The following SYT16 variants were observed in gnomAD, a reference collection of about 807,000 sequenced individuals.
SYT16 encodes the protein synaptotagmin 16, also known as synaptotagmin-16.
SYT16 carries 42 observed loss-of-function variants against 61.4 expected under a neutral mutation model. The ratio of observed to expected loss-of-function variants is 0.68; its 90% CI spans 0.53 to 0.89. The LOEUF (loss-of-function observed/expected upper bound fraction) is 0.89, where lower values mean the gene tolerates loss of function less well. SYT16 is among the 40% of genes least tolerant of loss of function. The pLI is 0.00. For missense variants in SYT16, 804 were observed against 807.3 expected (o/e 1.00, Z 0.05); for synonymous variants, 314 against 302.3 (o/e 1.04, Z -0.40).
chr14:62,086,170 A>C (rs1339122771), intron 7 of SYT16, among the ~76,000 whole-genome samples: 1 of 152,190 alleles, frequency 6.6e-6, no homozygotes, highest in Non-Finnish European at 1.5e-5. Flanking sequence ...AGGCTCTGCC[A>C]CTTATTATAA....
Position 62,094,362 on chromosome 14 carries a change from C to G in SYT16, c.1625-6032C>G, listed in dbSNP as rs530804350. On this transcript the variant is annotated intron_variant, in intron 7 of 7. Transcript: ENST00000683842. Reference sequence around the variant, plus strand: ...GCATACTGGTCAGTTCTTTCCCAAGCTTAACTTTTCCCCTCTTCCCCCTAA... The same window carrying G: ...GCATACTGGTCAGTTCTTTCCCAAGGTTAACTTTTCCCCTCTTCCCCCTAA... Among the ~76,000 whole-genome samples the G allele has an allele frequency of 9.2e-5, 14 of 152,172 alleles. No homozygotes were observed. The South Asian group carries it at 2.9e-3, about 32-fold the overall frequency.
rs891708221 is a variant in SYT16, at chr14:61,813,700, A to C, written c.-325+890A>C. On this transcript the variant is annotated intron_variant, in intron 1 of 7. Coordinates refer to ENST00000683842, the MANE Select transcript of SYT16 (RefSeq NM_001367656.1). ...AGGATCACTTGAGCCCAGGAGTGCG[A>C]GGCTGCTGTGAGCTATGACCCTGCC... Among the ~76,000 whole-genome samples, 4 of 151,968 alleles carry C rather than the reference A, an allele frequency of 2.6e-5. No homozygotes were observed. The South Asian group carries it at 8.3e-4, about 32-fold the overall frequency.
intron 3 of SYT16, among the ~76,000 whole-genome samples, chr14:62,003,315 G>T (rs540698286): frequency 1.3e-5 from 2 of 152,116 alleles, no homozygotes; most frequent in Admixed American, 1.3e-4. Context: ...GGTGAGCTCT[G>T]TGAAGAACTT....
intron 2 of SYT16, among the ~76,000 whole-genome samples, chr14:61,977,500 G>T (rs916396098): frequency 1.3e-5 from 2 of 152,150 alleles, no homozygotes; most frequent in East Asian, 3.9e-4. Context: ...GCCAAGCAAA[G>T]GGGGAATAGC....
At chr14:61,864,214 A>G (rs1327432096) in intron 1 of SYT16, among the ~76,000 whole-genome samples, 1 of 152,270 alleles carries the variant, frequency 6.6e-6, no homozygotes, top group African/African-American at 2.4e-5. Flanking sequence ...ATTACGACCC[A>G]GGAGGAGGTA....
At chr14:61,992,291 C>T (rs2052583303) in intron 2 of SYT16, among the ~76,000 whole-genome samples, 1 of 152,074 alleles carries the variant, frequency 6.6e-6, no homozygotes, top group Non-Finnish European at 1.5e-5. Flanking sequence ...AGCACAGTCA[C>T]TTTGGAAAAT....
chr14:61,883,369 C>A (rs1431793710), intron 1 of SYT16, among the ~76,000 whole-genome samples: 2 of 152,166 alleles, frequency 1.3e-5, no homozygotes, highest in Admixed American at 6.5e-5. Flanking sequence ...ACCAGATACC[C>A]ACTATCATTT....
chr14:62,042,941 C>T (rs1458462334), intron 3 of SYT16, among the ~76,000 whole-genome samples: 2 of 152,102 alleles, frequency 1.3e-5, no homozygotes, highest in African/African-American at 4.8e-5. Context: ...TTTTTGTTTA[C>T]TAGAGTTCAG....
At chr14:61,991,410 A>G (rs2052546687) in intron 2 of SYT16, among the ~76,000 whole-genome samples, 1 of 151,146 alleles carries the variant, frequency 6.6e-6, no homozygotes, top group Admixed American at 6.6e-5. Flanking sequence ...AGCTGTAAGA[A>G]AGCCACCAAA....
chr14:61,889,366 T>G (rs550881735), intron 1 of SYT16, among the ~76,000 whole-genome samples: 1 of 152,292 alleles, frequency 6.6e-6, no homozygotes, highest in African/African-American at 2.4e-5. Flanking sequence ...CTAAACTGAC[T>G]GCTATAGTTT....
At chr14:62,019,871 A>G (rs1268743083) in intron 3 of SYT16, among the ~76,000 whole-genome samples, 1 of 152,210 alleles carries the variant, frequency 6.6e-6, no homozygotes, top group Non-Finnish European at 1.5e-5. Context: ...CGCCTATCTG[A>G]CACCTGATTC....
Position 61,996,398 on chromosome 14 carries a change from G to T in SYT16, c.379G>T (p.Ala127Ser). The T allele has an allele frequency of 6.2e-7, 1 of 1,613,534 alleles. No homozygotes were observed. The highest frequency in any genetic ancestry group is 8.5e-7 in the Non-Finnish European group (1 of 1,179,594). The change falls in exon 3 of 8, where the codon GCC (alanine) becomes TCC (serine). Residue 127 changes from alanine (A) to serine (S), a missense_variant. Coordinates refer to ENST00000683842, the MANE Select transcript of SYT16 (RefSeq NM_001367656.1). ...CACAATGTCCCAGTGGCCCAATTGG[G>T]CCAGTGATGACCGCAAGTTACCACA... is the stretch of plus-strand genomic sequence containing the variant. ...CSTMSQWPNW[A>S]SDDRKLPHVL...
At chr14:61,979,202 CTTATTA>C (rs1201767315) in intron 2 of SYT16, among the ~76,000 whole-genome samples, 4 of 151,878 alleles carry the variant, frequency 2.6e-5, no homozygotes, top group East Asian at 1.9e-4. Context: ...TAGGAGTGGT[CTTATTA>C]TTATTATTAT....
rs192250931 is a variant in SYT16, at chr14:61,816,872, G to A, written c.-325+4062G>A. Among the ~76,000 whole-genome samples, 313 of 152,010 alleles carry A rather than the reference G, an allele frequency of 2.1e-3. 1 individual carries two copies. The highest frequency in any genetic ancestry group is 7.2e-3 in the African/African-American group (300 of 41,440). ...TAAAAATACAAAAAATTAGCCGGGCGTGGTGGCGGGCGCTTGTAGTCCCAT... is the reference window on the plus strand; with the variant it reads ...TAAAAATACAAAAAATTAGCCGGGCATGGTGGCGGGCGCTTGTAGTCCCAT... On this transcript the variant is annotated intron_variant, in intron 1 of 7. Transcript: ENST00000683842.
chr14:62,042,300 G>A (rs2054766536), intron 3 of SYT16, among the ~76,000 whole-genome samples: 1 of 152,046 alleles, frequency 6.6e-6, no homozygotes, highest in Non-Finnish European at 1.5e-5. Flanking sequence ...ACCACGCCCA[G>A]CCCAAACATT....
At chr14:61,999,312 G>A (rs1000122936) in intron 3 of SYT16, among the ~76,000 whole-genome samples, 1 of 151,678 alleles carries the variant, frequency 6.6e-6, no homozygotes. Flanking sequence ...AGGTATAAGG[G>A]TAACCTAGTT....
rs980867185 is a variant in SYT16, at chr14:61,945,880, A to G, written c.-324-24252A>G. On this transcript the variant is annotated intron_variant, in intron 1 of 7. Coordinates refer to ENST00000683842, the MANE Select transcript of SYT16 (RefSeq NM_001367656.1). Reference sequence around the variant, plus strand: ...CAAAAAAAAAAAAAAAAAAAAAAAAAAAAAAAGGATGAGTTAATGTCCTCT... The same window carrying G: ...CAAAAAAAAAAAAAAAAAAAAAAAAGAAAAAAGGATGAGTTAATGTCCTCT... Among the ~76,000 whole-genome samples the G allele has an allele frequency of 4.2e-4, 63 of 151,064 alleles. 2 individuals carry two copies. The highest frequency in any genetic ancestry group is 1.1e-3 in the African/African-American group (46 of 41,328).
chr14:62,017,395 T>G (rs2053731776), intron 3 of SYT16, among the ~76,000 whole-genome samples: 1 of 152,210 alleles, frequency 6.6e-6, no homozygotes, highest in Non-Finnish European at 1.5e-5. Context: ...CTATAAACTA[T>G]GCTTGAATTA....
rs372609008 is a variant in SYT16 at position 62,084,262 on chromosome 14, C to T, written c.1501C>T (p.Leu501=). ...HSDSTSSTQS[L]SHGGAPELLV... Reference sequence around the variant, plus strand: ...TGATAGTACTTCATCCACGCAGTCGCTGTCTCATGGAGGGGCGCCAGAGCT... The same window carrying T: ...TGATAGTACTTCATCCACGCAGTCGTTGTCTCATGGAGGGGCGCCAGAGCT... Residue 501 remains leucine (L), a synonymous_variant, in exon 7 of 8, where the codon CTG becomes TTG. Coordinates refer to ENST00000683842, the MANE Select transcript of SYT16 (RefSeq NM_001367656.1). 69 of 1,613,988 alleles carry T rather than the reference C, an allele frequency of 4.3e-5. No homozygotes were observed. In the Admixed American group the frequency reaches 4.7e-4, roughly 11 times the overall value.
Sources: allele counts gnomAD v4.1 joint callset (sites outside exome capture counted in the v4.1 genomes callset), GRCh38; gene constraint gnomAD v4.1.1; transcripts MANE v1.5; gene names NCBI Gene and HGNC (gene_info 2026-07-23, HGNC 2026-07-21).